ZNF644: variants seen among roughly 807,000 people sequenced by gnomAD.
ZNF644 encodes zinc finger protein 644, also known as zinc finger motif enhancer binding protein 2.
ZNF644 carries 20 observed loss-of-function variants against 108.0 expected under a neutral mutation model. The observed-to-expected ratio is 0.19, with a 90% confidence interval of 0.13 to 0.27. The LOEUF is 0.27. Among genes scored for constraint, ZNF644 ranks in the 10% least tolerant of loss-of-function variants. The probability of loss-of-function intolerance (pLI) is 1.00; values close to 1 mark genes in which losing one functional copy is unlikely to be tolerated. For synonymous variants in ZNF644, 542 were observed against 539.1 expected (o/e 1.01, Z -0.08); for missense variants, 1,338 against 1,548.9 (o/e 0.86, Z 2.29).
chr1:90,942,431 A>G (rs1652091454), intron 2 of ZNF644, among the ~76,000 whole-genome samples: 1 of 152,134 alleles, frequency 6.6e-6, no homozygotes, highest in South Asian at 2.1e-4. Flanking sequence ...AAATGGCCAC[A>G]TTGGAAGTAT....
chr1:90,918,162 G>C lies in ZNF644; in HGVS notation c.3689-8C>G, dbSNP rs955886676. The C allele has an allele frequency of 1.9e-6, 3 of 1,608,894 alleles. No homozygotes were observed. Among genetic ancestry groups the C allele is most frequent in the African/African-American group, 2.7e-5 (2 of 74,906 alleles). On this transcript the variant is annotated splice_polypyrimidine_tract_variant and splice_region_variant and intron_variant, in intron 4 of 5. Transcript: ENST00000337393. ...TTTGCTTACAATCTAAGGCTAAAAA[G>C]GGGAAGAGAAAGACTTAACATTCCT...
At chr1:90,994,845 A>C (rs1278747520) in intron 1 of ZNF644, among the ~76,000 whole-genome samples, 1 of 152,198 alleles carries the variant, frequency 6.6e-6, no homozygotes, top group African/African-American at 2.4e-5. Context: ...GGAGACCCCC[A>C]ACAAGCCAAG....
intron 1 of ZNF644, among the ~76,000 whole-genome samples, chr1:91,009,323 T>TAA (rs544747119): frequency 2.0e-5 from 3 of 150,578 alleles, no homozygotes; most frequent in African/African-American, 7.3e-5. Context: ...TCCTAACTCT[T>TAA]AAAAAAAAAG....
intron 1 of ZNF644, among the ~76,000 whole-genome samples, chr1:91,007,235 T>TG (rs1659536445): frequency 7.4e-6 from 1 of 135,042 alleles, no homozygotes; most frequent in African/African-American, 2.8e-5. Flanking sequence ...GTTTTTTTTT[T>TG]TTTTTTTTTT....
intron 2 of ZNF644, among the ~76,000 whole-genome samples, chr1:90,974,433 C>T (rs1189328618): frequency 6.6e-6 from 1 of 152,198 alleles, no homozygotes; most frequent in African/African-American, 2.4e-5. Flanking sequence ...CATTTCTACT[C>T]AGAAGTCCTG....
chr1:90,926,142 T>C (rs1236679482), intron 4 of ZNF644, among the ~76,000 whole-genome samples: 1 of 152,202 alleles, frequency 6.6e-6, no homozygotes, highest in Non-Finnish European at 1.5e-5. Context: ...CTGACCAGCA[T>C]TCCTTACTGA....
At chr1:90,991,670 G>A (rs1422464564) in intron 1 of ZNF644, among the ~76,000 whole-genome samples, 1 of 152,168 alleles carries the variant, frequency 6.6e-6, no homozygotes, top group African/African-American at 2.4e-5. Flanking sequence ...GAGAATAAGA[G>A]TGAAGGGGGG....
intron 2 of ZNF644, among the ~76,000 whole-genome samples, chr1:90,958,855 T>C (rs549860528): frequency 1.6e-4 from 24 of 152,238 alleles, no homozygotes; most frequent in African/African-American, 5.8e-4. Flanking sequence ...AAAGCTAAAT[T>C]TGTAAAGCTC....
intron 2 of ZNF644, among the ~76,000 whole-genome samples, chr1:90,974,785 C>T (rs377722479): frequency 1.1e-4 from 16 of 152,160 alleles, no homozygotes; most frequent in East Asian, 7.7e-4. Context: ...GGTTCATTTG[C>T]TAAAACAGAT....
rs185451429 is a variant in ZNF644, at chr1:90,998,042, G to A, written c.-17-15672C>T. On this transcript the variant is annotated intron_variant, in intron 1 of 5. Coordinates refer to ENST00000337393, the MANE Select transcript of ZNF644 (RefSeq NM_201269.3). ...TGAGGCTTGAGTAGGTAAACAAAGCGGCCAGGAAGCTCGAACTGGGGGGAG... is the reference window on the plus strand; with the variant it reads ...TGAGGCTTGAGTAGGTAAACAAAGCAGCCAGGAAGCTCGAACTGGGGGGAG... 3.4e-3 allele frequency among the ~76,000 whole-genome samples: 517 copies of A among 152,310 alleles called. 6 individuals carry two copies. Among genetic ancestry groups the A allele is most frequent in the Non-Finnish European group, 1.3e-3 (87 of 68,026 alleles).
At chr1:90,999,494 A>C (rs1468196325) in intron 1 of ZNF644, among the ~76,000 whole-genome samples, 1 of 152,208 alleles carries the variant, frequency 6.6e-6, no homozygotes, top group Non-Finnish European at 1.5e-5. Flanking sequence ...GCAAATGCTG[A>C]GAGATTTGTC....
At chr1:90,963,128 T>C (rs548646805) in intron 2 of ZNF644, among the ~76,000 whole-genome samples, 2 of 152,044 alleles carry the variant, frequency 1.3e-5, no homozygotes, top group South Asian at 2.1e-4. Context: ...ATAGGAAAAA[T>C]AGGGCTGTAT....
chr1:90,938,727 T>C lies in ZNF644; in HGVS notation c.2627A>G (p.Asp876Gly). ...TTGATTAATATCACTATAGGTTTCA[T>C]CTTCTATGGCCTGTGTAGTGTAGTC... ...LGDYTTQAIE[D>G]ETYSDINQEH... The change falls in exon 3 of 6, where the codon GAT becomes GGT. Residue 876 changes from aspartate to glycine, a missense_variant. Physicochemically the swap from Asp to Gly is moderately conservative, Grantham distance 94. Coordinates refer to ENST00000337393, the MANE Select transcript of ZNF644 (RefSeq NM_201269.3). The surrounding 1 kb of genome is among the most constrained non-coding windows in gnomAD (Gnocchi z 4.2). 4 of 1,613,910 alleles carry C rather than the reference T, an allele frequency of 2.5e-6. No individual in the cohort carries two copies. The highest frequency in any genetic ancestry group is 3.4e-6 in the Non-Finnish European group (4 of 1,179,908).
At chr1:90,920,477 A>G (rs955398059) in intron 4 of ZNF644, among the ~76,000 whole-genome samples, 2 of 152,074 alleles carry the variant, frequency 1.3e-5, no homozygotes, top group African/African-American at 4.8e-5. Context: ...TGTTGTTAAT[A>G]TTTTAAAAAT....
chr1:90,939,667 G>A lies in ZNF644; in HGVS notation c.1687C>T (p.Gln563Ter). ...AAAGTCTTTTTTTGTGTTTTTCTCTGGGCAATATCAGAAGTGACCATAGGG... is the reference window on the plus strand; with the variant it reads ...AAAGTCTTTTTTTGTGTTTTTCTCTAGGCAATATCAGAAGTGACCATAGGG... ...KCPMVTSDIAQRKTQKKTFMK... is the reference protein window; with the variant it reads ...KCPMVTSDIA The change falls in exon 3 of 6, where the codon CAG (glutamine) becomes TAG (stop). Residue 563 changes from glutamine (Q) to a stop codon, truncating the protein, a stop_gained. Transcript: ENST00000337393. LOFTEE classifies it high-confidence loss of function. 1 of 1,613,908 alleles carries A rather than the reference G, an allele frequency of 6.2e-7. No homozygotes were observed. The highest frequency in any genetic ancestry group is 8.5e-7 in the Non-Finnish European group (1 of 1,179,920).
At chr1:90,989,672 T>C (rs1285651965) in intron 1 of ZNF644, among the ~76,000 whole-genome samples, 1 of 152,154 alleles carries the variant, frequency 6.6e-6, no homozygotes, top group Non-Finnish European at 1.5e-5. Context: ...AAATAACAAG[T>C]GTTGGCGAGA....
intron 2 of ZNF644, among the ~76,000 whole-genome samples, chr1:90,941,604 C>T (rs893204321): frequency 1.3e-5 from 2 of 152,130 alleles, no homozygotes; most frequent in Non-Finnish European, 2.9e-5. Flanking sequence ...AGCATACACA[C>T]AGATACACAT....
chr1:90,928,527 T>G (rs1457301960), intron 4 of ZNF644, among the ~76,000 whole-genome samples: 2 of 151,868 alleles, frequency 1.3e-5, no homozygotes, highest in Non-Finnish European at 2.9e-5. Flanking sequence ...TTCACCATGT[T>G]GACCATGATG....
Position 90,916,909 on chromosome 1 carries a change from A to G in ZNF644, c.3873T>C (p.Ala1291=), listed in dbSNP as rs1306836271. 8.7e-6 allele frequency: 14 copies of G among 1,614,094 alleles called. No homozygotes were observed. The highest frequency in any genetic ancestry group is 1.0e-5 in the Non-Finnish European group (12 of 1,180,054). Reference sequence around the variant, plus strand: ...TGCCAGCTCCAGTCCGTGGAAGATTAGCGTTTACAATATGTCGTTGTAAGT... The same window carrying G: ...TGCCAGCTCCAGTCCGTGGAAGATTGGCGTTTACAATATGTCGTTGTAAGT... ...IKHLQRHIVN[A]NLPRTGAGMV... Residue 1291 remains alanine, a synonymous_variant, in exon 6 of 6, where the codon GCT becomes GCC. Coordinates refer to ENST00000337393, the MANE Select transcript of ZNF644 (RefSeq NM_201269.3).
Sources: gnomAD v4.1 joint callset for allele counts (sites outside exome capture counted in the v4.1 genomes callset) on GRCh38, gnomAD v4.1.1 for gene constraint, Gnocchi (gnomAD v3.1) non-coding constraint, MANE v1.5 for transcripts, NCBI Gene and HGNC (gene_info 2026-07-23, HGNC 2026-07-21) for gene names.